PLCB1: variants seen among roughly 807,000 people sequenced by gnomAD.
PLCB1 encodes 1-phosphatidylinositol 4,5-bisphosphate phosphodiesterase beta-1.
A neutral mutation model predicts 161.8 loss-of-function variants in PLCB1; 46 were observed. The observed-to-expected ratio is 0.28, with a 90% CI of 0.22 to 0.36. The LOEUF (loss-of-function observed/expected upper bound fraction) is 0.36, where lower values mean the gene tolerates loss of function less well. Ranked by LOEUF, PLCB1 falls within the 10% of genes least tolerant of loss-of-function variation. The pLI is 1.00. For missense variants in PLCB1, 1,016 were observed against 1,472.5 expected, an observed-to-expected ratio of 0.69 and a Z score of 5.07; for synonymous variants, 517 against 503.7, an observed-to-expected ratio of 1.03 and a Z score of -0.35.
intron 3 of PLCB1, among the ~76,000 whole-genome samples, chr20:8,523,510 A>C (rs1984460868): frequency 2.7e-5 from 3 of 112,686 alleles, no homozygotes; most frequent in South Asian, 2.6e-4. Flanking sequence ...ATATATATAT[A>C]TATATATATA....
Position 8,705,504 on chromosome 20 carries a change from G to A in PLCB1, c.1168-3166G>A, listed in dbSNP as rs1157158831. 7.2e-5 allele frequency among the ~76,000 whole-genome samples: 11 copies of A among 152,190 alleles called. No individual in the cohort carries two copies. In the South Asian group the frequency reaches 1.2e-3, roughly 17 times the overall value. ...TAGATCAAAATAAACACAAAGATAC[G>A]GTACATAGAAACATGCCCTTTAAAG... On this transcript the variant is annotated intron_variant, in intron 11 of 31. Transcript: ENST00000338037.
At chr20:8,470,586 C>T (rs1023921644) in intron 3 of PLCB1, among the ~76,000 whole-genome samples, 9 of 152,102 alleles carry the variant, frequency 5.9e-5, no homozygotes, top group Non-Finnish European at 1.0e-4. Flanking sequence ...CACTCTTAGT[C>T]CAGGCTGGAG....
At chr20:8,241,729 T>C (rs1419328579) in intron 2 of PLCB1, among the ~76,000 whole-genome samples, 1 of 151,658 alleles carries the variant, frequency 6.6e-6, no homozygotes, top group Non-Finnish European at 1.5e-5. Context: ...TACACAGAGG[T>C]TCTCTAGCTT....
At chr20:8,439,348 C>T (rs1600401171) in intron 3 of PLCB1, among the ~76,000 whole-genome samples, 2 of 152,204 alleles carry the variant, frequency 1.3e-5, no homozygotes, top group East Asian at 1.9e-4. Context: ...TCAAACAATA[C>T]CTAAAAAAGA....
intron 2 of PLCB1, among the ~76,000 whole-genome samples, chr20:8,346,125 G>T (rs1002297778): frequency 1.3e-5 from 2 of 152,150 alleles, no homozygotes; most frequent in Non-Finnish European, 2.9e-5. Context: ...GAATATAATT[G>T]CCAGACAAGG....
chr20:8,639,589 A>C (rs115784550), intron 4 of PLCB1, among the ~76,000 whole-genome samples: 48 of 152,364 alleles, frequency 3.2e-4, no homozygotes, highest in African/African-American at 1.1e-3. Flanking sequence ...ATCTGCTTAC[A>C]TGTGATTTGC....
chr20:8,222,828 C>G (rs756100661), intron 2 of PLCB1, among the ~76,000 whole-genome samples: 1 of 152,104 alleles, frequency 6.6e-6, no homozygotes, highest in African/African-American at 2.4e-5. Flanking sequence ...CATCAGCCTT[C>G]TCTGTGAAAT....
intron 31 of PLCB1, among the ~76,000 whole-genome samples, chr20:8,840,059 G>T (rs1190883221): frequency 6.6e-6 from 1 of 151,626 alleles, no homozygotes; most frequent in East Asian, 1.9e-4. Flanking sequence ...TTGTGTGGTG[G>T]ACTCTAACCT....
intron 3 of PLCB1, among the ~76,000 whole-genome samples, chr20:8,417,052 C>CAT (rs1568667920): frequency 0.036 from 2,287 of 63,030 alleles, 38 homozygotes; most frequent in Non-Finnish European, 0.04. Context: ...CACACACACA[C>CAT]ACATATATAT....
At chr20:8,468,056 T>C (rs1320566960) in intron 3 of PLCB1, among the ~76,000 whole-genome samples, 2 of 152,308 alleles carry the variant, frequency 1.3e-5, no homozygotes, top group East Asian at 3.9e-4. Context: ...AATGAAGTCA[T>C]GTGCAAAAGA....
At position 8,539,641 on chromosome 20, in the gene PLCB1, T is replaced by TTTCC. The variant is rs1555768739; in HGVS notation, c.247-88650_247-88649insCTTC. On this transcript the variant is annotated intron_variant, in intron 3 of 31. Transcript: ENST00000338037. ...TTTTCTTTCTTTCTTTCTTTCTTTC[T>TTTCC]TTCTTTCTTTCTTTCTTTCTTTCTT... is the stretch of plus-strand genomic sequence containing the variant. Among the ~76,000 whole-genome samples, 85 of 51,166 alleles carry TTTCC rather than the reference T, an allele frequency of 1.7e-3. 1 individual carries two copies. Among genetic ancestry groups the TTTCC allele is most frequent in the Admixed American group, 2.3e-3 (10 of 4,350 alleles). The allele number at this position is 51,166 out of a possible 152,430, so 33.6% of individuals were successfully genotyped here. A position where few individuals can be genotyped will look rare whatever the true frequency, so the allele number is the denominator to read the frequency against.
intron 11 of PLCB1, among the ~76,000 whole-genome samples, chr20:8,708,232 T>C (rs771245928): frequency 6.6e-6 from 1 of 152,210 alleles, no homozygotes; most frequent in South Asian, 2.1e-4. Context: ...GTTGAGTATA[T>C]ACTGTAATTA....
chr20:8,603,975 G>A (rs960595902), intron 3 of PLCB1, among the ~76,000 whole-genome samples: 5 of 152,142 alleles, frequency 3.3e-5, no homozygotes, highest in Non-Finnish European at 7.4e-5. Flanking sequence ...ACTATTGGCC[G>A]GGTGTGGTGG....
chr20:8,266,264 T>G (rs1336595078), intron 2 of PLCB1, among the ~76,000 whole-genome samples: 2 of 152,194 alleles, frequency 1.3e-5, no homozygotes, highest in Non-Finnish European at 2.9e-5. Context: ...ATGCCTACAC[T>G]CAGCTCTGTA....
At chr20:8,354,994 G>A (rs1381405822) in intron 2 of PLCB1, among the ~76,000 whole-genome samples, 1 of 152,128 alleles carries the variant, frequency 6.6e-6, no homozygotes, top group Non-Finnish European at 1.5e-5. Context: ...CAGAGAAGTG[G>A]TTTAAATGTG....
intron 2 of PLCB1, among the ~76,000 whole-genome samples, chr20:8,189,701 C>T (rs555719851): frequency 6.6e-6 from 1 of 152,070 alleles, no homozygotes; most frequent in Non-Finnish European, 1.5e-5. Context: ...ATGACAATGT[C>T]TTTAATTTTC....
chr20:8,499,078 G>T (rs1983298019), intron 3 of PLCB1, among the ~76,000 whole-genome samples: 1 of 152,198 alleles, frequency 6.6e-6, no homozygotes, highest in Non-Finnish European at 1.5e-5. Context: ...TCACTGGAGT[G>T]ATATTACTGA....
intron 3 of PLCB1, among the ~76,000 whole-genome samples, chr20:8,519,056 TG>T (rs1374576885): frequency 6.6e-6 from 1 of 152,218 alleles, no homozygotes; most frequent in African/African-American, 2.4e-5. Context: ...AAGCTTCACT[TG>T]CTTGCCTGCT....
Position 8,555,900 on chromosome 20 carries a change from G to A in PLCB1, c.247-72394G>A, listed in dbSNP as rs547197850. On this transcript the variant is annotated intron_variant, in intron 3 of 31. Transcript: ENST00000338037. ...ATCAATTTTTTCTATTCCACAAAAT[G>A]TAAGCATATCATTTTGAGACAAATT... 3.3e-5 allele frequency among the ~76,000 whole-genome samples: 5 copies of A among 152,092 alleles called. No individual in the cohort carries two copies. In the South Asian group the frequency reaches 1.0e-3, roughly 32 times the overall value.
Sources: allele counts gnomAD v4.1 joint callset (sites outside exome capture counted in the v4.1 genomes callset), GRCh38; gene constraint gnomAD v4.1.1; transcripts MANE v1.5; gene names NCBI Gene and HGNC (gene_info 2026-07-23, HGNC 2026-07-21).